Variants in SYT14 observed in about 807,000 individuals in gnomAD.
SYT14 encodes the protein synaptotagmin 14.
A neutral mutation model predicts 74.2 loss-of-function variants in SYT14; 32 were observed. That is an observed-to-expected ratio of 0.43 (90% CI 0.33 to 0.58). SYT14 has a LOEUF of 0.58. Ranked by LOEUF, SYT14 falls within the 20% of genes least tolerant of loss-of-function variation. The probability of loss-of-function intolerance (pLI) is 0.05; values close to 1 mark genes in which losing one functional copy is unlikely to be tolerated. For missense variants in SYT14, 791 were observed against 981.8 expected (o/e 0.81, Z 2.60); for synonymous variants, 298 against 337.7 (o/e 0.88, Z 1.29).
At chr1:210,101,456 T>G (rs2082064842) in intron 7 of SYT14, among the ~76,000 whole-genome samples, 2 of 152,150 alleles carry the variant, frequency 1.3e-5, no homozygotes, top group East Asian at 3.8e-4. Context: ...TGTAAGACCT[T>G]GATTCACAGT....
At chr1:209,953,590 G>A (rs1442850947) in intron 2 of SYT14, among the ~76,000 whole-genome samples, 2 of 152,008 alleles carry the variant, frequency 1.3e-5, no homozygotes, top group African/African-American at 4.8e-5. Flanking sequence ...GTGATACCTG[G>A]GTATGAGAGG....
chr1:210,106,043 C>T (rs1041266579), intron 7 of SYT14, among the ~76,000 whole-genome samples: 1 of 152,166 alleles, frequency 6.6e-6, no homozygotes, highest in African/African-American at 2.4e-5. Flanking sequence ...TTTTTAACAA[C>T]ATAAGAATGG....
chr1:210,150,439 G>T lies in SYT14; in HGVS notation c.2035-5282G>T, dbSNP rs1048021477. On this transcript the variant is annotated intron_variant, in intron 7 of 9. Coordinates refer to ENST00000637265, the Ensembl canonical transcript of SYT14. ...GGATGGAAAGGAGGTGGGATTTGGAGCAATCATGCTCTTTCTTCCTCTCTC... is the reference window on the plus strand; with the variant it reads ...GGATGGAAAGGAGGTGGGATTTGGATCAATCATGCTCTTTCTTCCTCTCTC... 2.0e-5 allele frequency among the ~76,000 whole-genome samples: 3 copies of T among 152,308 alleles called. No individual in the cohort carries two copies. The East Asian group carries it at 5.8e-4, about 29-fold the overall frequency.
intron 2 of SYT14, among the ~76,000 whole-genome samples, chr1:209,975,571 A>G (rs1474005755): frequency 6.6e-6 from 1 of 152,172 alleles, no homozygotes; most frequent in East Asian, 1.9e-4. Context: ...ATCATGGTGG[A>G]TAAGCTTTTT....
At chr1:210,117,674 C>T (rs2082386302) in intron 7 of SYT14, among the ~76,000 whole-genome samples, 1 of 152,190 alleles carries the variant, frequency 6.6e-6, no homozygotes, top group East Asian at 1.9e-4. Flanking sequence ...ACTGCAGTCT[C>T]ACACAAAGAA....
chr1:209,952,767 G>T lies in SYT14; in HGVS notation c.-486+11G>T. Reference sequence around the variant, plus strand: ...TCTGTATTAGAAAAGGTAAGTCATTGCTCTGCATGGCTATTTACATACTAA... The same window carrying T: ...TCTGTATTAGAAAAGGTAAGTCATTTCTCTGCATGGCTATTTACATACTAA... On this transcript the variant is annotated intron_variant, in intron 2 of 9. Transcript: ENST00000637265. 2 of 1,601,838 alleles carry T rather than the reference G, an allele frequency of 1.2e-6. No homozygotes were observed. The highest frequency in any genetic ancestry group is 1.7e-6 in the Non-Finnish European group (2 of 1,172,518).
chr1:210,095,863 T>G (rs2081958940), intron 6 of SYT14, among the ~76,000 whole-genome samples: 1 of 152,202 alleles, frequency 6.6e-6, no homozygotes, highest in South Asian at 2.1e-4. Context: ...TATCATTATT[T>G]TATGATTTTT....
At chr1:210,139,175 C>T (rs2082853689) in intron 7 of SYT14, among the ~76,000 whole-genome samples, 1 of 151,046 alleles carries the variant, frequency 6.6e-6, no homozygotes, top group African/African-American at 2.4e-5. Flanking sequence ...TAACCTCCAC[C>T]TCCCAGGTTC....
At chr1:210,067,070 C>T (rs753004983) in intron 5 of SYT14, among the ~76,000 whole-genome samples, 25 of 151,950 alleles carry the variant, frequency 1.6e-4, no homozygotes, top group Non-Finnish European at 5.9e-5. Context: ...TGTTCTTTCC[C>T]CATTGAATGG....
chr1:210,079,372 T>A (rs929492059), intron 5 of SYT14, among the ~76,000 whole-genome samples: 2 of 152,108 alleles, frequency 1.3e-5, no homozygotes, highest in Non-Finnish European at 1.5e-5. Context: ...AACCTGCATA[T>A]GTACCCACTA....
exon 6 of SYT14, chr1:210,094,473 A>G (rs1426363418): frequency 1.2e-6 from 2 of 1,613,902 alleles, no homozygotes; most frequent in Non-Finnish European, 1.7e-6. Flanking sequence ...GCAACAGTCC[A>G]AGATGCTCAT....
At chr1:209,971,941 A>G (rs903504288) in intron 2 of SYT14, among the ~76,000 whole-genome samples, 3 of 152,136 alleles carry the variant, frequency 2.0e-5, no homozygotes, top group African/African-American at 7.2e-5. Flanking sequence ...GTTTTTCTGG[A>G]ATACATTCAG....
chr1:210,048,674 C>G lies in SYT14; in HGVS notation c.1312+27420C>G, dbSNP rs545273607. 2.0e-5 allele frequency among the ~76,000 whole-genome samples: 3 copies of G among 152,262 alleles called. No homozygotes were observed. The East Asian group carries it at 5.8e-4, about 29-fold the overall frequency. Reference sequence around the variant, plus strand: ...CCACGTCATTTCGCCCCTGGCCCCTCCCAAATCTCATACCCTCACATTTGA... The same window carrying G: ...CCACGTCATTTCGCCCCTGGCCCCTGCCAAATCTCATACCCTCACATTTGA... On this transcript the variant is annotated intron_variant, in intron 5 of 9. Transcript: ENST00000637265.
intron 2 of SYT14, among the ~76,000 whole-genome samples, chr1:210,009,883 C>T (rs767616410): frequency 6.6e-5 from 10 of 152,022 alleles, no homozygotes; most frequent in Non-Finnish European, 1.2e-4. Flanking sequence ...TACCATTTAC[C>T]CAGTCACTCA....
intron 5 of SYT14, among the ~76,000 whole-genome samples, chr1:210,034,782 CCA>C (rs1375238132): frequency 6.6e-6 from 1 of 151,796 alleles, no homozygotes; most frequent in African/African-American, 2.4e-5. Flanking sequence ...CCAGTTCCAT[CCA>C]TGTTGCTGCA....
chr1:209,990,549 G>GTATATATGTA (rs2079652004), intron 2 of SYT14, among the ~76,000 whole-genome samples: 4 of 56,892 alleles, frequency 7.0e-5, no homozygotes, highest in Non-Finnish European at 9.4e-5. Context: ...GTATATATAT[G>GTATATATGTA]TATATATATA....
intron 5 of SYT14, among the ~76,000 whole-genome samples, chr1:210,031,844 C>T (rs2080543445): frequency 6.6e-6 from 1 of 152,040 alleles, no homozygotes. Context: ...ATTGTAAGAC[C>T]TCAAAAACCT....
At chr1:210,145,789 C>T (rs960790685) in intron 7 of SYT14, among the ~76,000 whole-genome samples, 5 of 152,120 alleles carry the variant, frequency 3.3e-5, no homozygotes, top group African/African-American at 1.2e-4. Context: ...AATGCCCTTC[C>T]CTATGCCTGC....
At chr1:209,969,486 C>CTTTTTTTTTT (rs35157576) in intron 2 of SYT14, among the ~76,000 whole-genome samples, 2 of 127,212 alleles carry the variant, frequency 1.6e-5, no homozygotes, top group East Asian at 2.5e-4. Flanking sequence ...TTTTTTCTTT[C>CTTTTTTTTTT]TTTTTTTTTT....
Sources: allele counts gnomAD v4.1 joint callset (sites outside exome capture counted in the v4.1 genomes callset), GRCh38; gene constraint gnomAD v4.1.1; transcripts MANE v1.5; gene names NCBI Gene and HGNC (gene_info 2026-07-23, HGNC 2026-07-21).